TRPC7: variants seen among roughly 807,000 people sequenced by gnomAD.
TRPC7 encodes the protein transient receptor potential cation channel subfamily C member 7, also known as short transient receptor potential channel 7.
A neutral mutation model predicts 90.1 loss-of-function variants in TRPC7; 42 were observed. The ratio of observed to expected loss-of-function variants is 0.47; its 90% confidence interval spans 0.36 to 0.60. TRPC7 has a LOEUF of 0.60. Ranked by LOEUF, TRPC7 falls within the 20% of genes least tolerant of loss-of-function variation. TRPC7 has a pLI of 0.00. For synonymous variants in TRPC7, 451 were observed against 436.3 expected (o/e 1.03, Z -0.42); for missense variants, 955 against 1,112.3 (o/e 0.86, Z 2.01).
chr5:136,344,899 T>C (rs1759958732), intron 2 of TRPC7, among the ~76,000 whole-genome samples: 1 of 152,188 alleles, frequency 6.6e-6, no homozygotes, highest in Admixed American at 6.5e-5. Context: ...ACTAAACACA[T>C]GTGCAAGCAC....
chr5:136,252,912 A>G (rs1297092135), intron 5 of TRPC7, among the ~76,000 whole-genome samples: 2 of 152,216 alleles, frequency 1.3e-5, no homozygotes. Flanking sequence ...GCTCTAAGCC[A>G]TCCCTGTGAG....
chr5:136,310,520 C>T (rs1758791430), intron 3 of TRPC7, among the ~76,000 whole-genome samples: 1 of 152,052 alleles, frequency 6.6e-6, no homozygotes. Flanking sequence ...GGAAAAGTCA[C>T]CTCAACATTT....
rs774087463 is a variant in TRPC7 at position 136,344,516 on chromosome 5, CAGT to C, written c.780+12089_780+12091del. 1.7e-4 allele frequency among the ~76,000 whole-genome samples: 26 copies of C among 152,278 alleles called. No individual in the cohort carries two copies. In the Middle Eastern group the frequency reaches 0.014, roughly 80 times the overall value. On this transcript the variant is annotated intron_variant, in intron 2 of 11. Transcript: ENST00000513104. ...GAAAGGAGAAACCTACATGTCTAGACAGTATAGGAAGTGGTCAGCCTCACTAGC... is the reference window on the plus strand; with the variant it reads ...GAAAGGAGAAACCTACATGTCTAGACATAGGAAGTGGTCAGCCTCACTAGC...
Position 136,228,488 on chromosome 5 carries a change from A to G in TRPC7, c.2041-2233T>C, listed in dbSNP as rs1353350132. ...ACTTATTTAAATGCTGACAGGAAGG[A>G]TTAGGTAGCAAGAGAGGGGTGAAGA... On this transcript the variant is annotated intron_variant, in intron 8 of 11. Coordinates refer to ENST00000513104, the MANE Select transcript of TRPC7 (RefSeq NM_020389.3). Among the ~76,000 whole-genome samples, 7 of 146,528 alleles carry G rather than the reference A, an allele frequency of 4.8e-5. No homozygotes were observed. In the Admixed American group the frequency reaches 4.8e-4, roughly 10 times the overall value.
intron 8 of TRPC7, 85 bp from the exon 9 acceptor site, chr5:136,226,340 C>T: frequency 1.0e-6 from 1 of 967,142 alleles, no homozygotes; most frequent in Non-Finnish European, 1.6e-6. Flanking sequence ...GACACAGCCC[C>T]AACATTCGGA....
intron 2 of TRPC7, among the ~76,000 whole-genome samples, chr5:136,330,098 C>A (rs945415596): frequency 1.3e-5 from 2 of 152,150 alleles, no homozygotes; most frequent in African/African-American, 4.8e-5. Flanking sequence ...GAAAGAGGGA[C>A]CTTTGGGAAG....
rs751196428 is a variant in TRPC7 at position 136,247,557 on chromosome 5, G to A, written c.1758C>T (p.Phe586=). ...VKDIFKFMVI[F]IMVFVAFMIG... The stretch of plus-strand genomic sequence containing the variant: ...TCATGAAGGCCACAAATACCATGAT[G>A]AAAATGACCATGAACTTGAAGATAT... Residue 586 remains phenylalanine (F), a synonymous_variant, in exon 7 of 12, where the codon TTC becomes TTT. Coordinates refer to ENST00000513104, the MANE Select transcript of TRPC7 (RefSeq NM_020389.3). The surrounding 1 kb of genome is among the most constrained non-coding windows in gnomAD (Gnocchi z 4.2). 1 of 1,613,972 alleles carries A rather than the reference G, an allele frequency of 6.2e-7. No individual in the cohort carries two copies. Among genetic ancestry groups the A allele is most frequent in the Non-Finnish European group, 8.5e-7 (1 of 1,179,874 alleles).
chr5:136,312,348 AG>A (rs1192524679), intron 3 of TRPC7, among the ~76,000 whole-genome samples: 1 of 152,226 alleles, frequency 6.6e-6, no homozygotes, highest in African/African-American at 2.4e-5. Context: ...AGGACCAGCT[AG>A]GGAATTAGAA....
At chr5:136,267,015 T>G (rs1355393626) in intron 4 of TRPC7, among the ~76,000 whole-genome samples, 1 of 152,216 alleles carries the variant, frequency 6.6e-6, no homozygotes, top group Admixed American at 6.5e-5. Context: ...AAGGATTATT[T>G]CATTTCCAGA....
At chr5:136,266,517 A>G (rs904693449) in intron 4 of TRPC7, 81 bp from the exon 5 acceptor site, 1 of 1,237,166 alleles carries the variant, frequency 8.1e-7, no homozygotes, top group African/African-American at 1.5e-5. Flanking sequence ...GCTTTCACCA[A>G]AGTTTAACCA....
At position 136,247,844 on chromosome 5, in the gene TRPC7, C is replaced by T. The variant is rs1243337674; in HGVS notation, c.1580-109G>A. The stretch of plus-strand genomic sequence containing the variant: ...CAACTGCATCATTTGCCATTCTTGT[C>T]CTTGTCCTTAAATTAATCCCAATAT... On this transcript the variant is annotated intron_variant, in intron 6 of 11. Coordinates refer to ENST00000513104, the MANE Select transcript of TRPC7 (RefSeq NM_020389.3). The surrounding 1 kb of genome is among the most constrained non-coding windows in gnomAD (Gnocchi z 4.2). 4 of 1,374,546 alleles carry T rather than the reference C, an allele frequency of 2.9e-6. No individual in the cohort carries two copies. The highest frequency in any genetic ancestry group is 3.9e-6 in the Non-Finnish European group (4 of 1,015,474). The allele number at this position is 1,374,546 out of a possible 1,614,324, so 85.1% of individuals were successfully genotyped here. A position where few individuals can be genotyped will look rare whatever the true frequency, so the allele number is the denominator to read the frequency against.
intron 3 of TRPC7, among the ~76,000 whole-genome samples, chr5:136,308,431 T>C (rs1392758802): frequency 1.3e-5 from 2 of 152,376 alleles, no homozygotes; most frequent in East Asian, 3.9e-4. Context: ...GTGACAACTC[T>C]GATCTTCTTA....
At chr5:136,316,428 T>C (rs968354050) in intron 2 of TRPC7, among the ~76,000 whole-genome samples, 8 of 152,210 alleles carry the variant, frequency 5.3e-5, no homozygotes, top group Admixed American at 5.2e-4. Context: ...AAAAATCAAA[T>C]GTAATTTAAC....
At chr5:136,258,960 C>T (rs1461328251) in intron 5 of TRPC7, among the ~76,000 whole-genome samples, 1 of 152,184 alleles carries the variant, frequency 6.6e-6, no homozygotes, top group African/African-American at 2.4e-5. Flanking sequence ...TCTCAACAGG[C>T]AGTCCTTTGC....
intron 3 of TRPC7, among the ~76,000 whole-genome samples, chr5:136,277,356 C>T (rs1440141951): frequency 6.6e-6 from 1 of 152,238 alleles, no homozygotes; most frequent in African/African-American, 2.4e-5. Flanking sequence ...TAGCTTCAGA[C>T]ATGCTGTTTA....
chr5:136,264,141 T>C (rs1756950020), intron 5 of TRPC7, among the ~76,000 whole-genome samples: 1 of 152,228 alleles, frequency 6.6e-6, no homozygotes, highest in Admixed American at 6.5e-5. Flanking sequence ...GACTAAGCTA[T>C]ACAAGTTGGG....
chr5:136,239,854 C>T (rs576219309), intron 7 of TRPC7, among the ~76,000 whole-genome samples: 1 of 152,286 alleles, frequency 6.6e-6, no homozygotes, highest in East Asian at 1.9e-4. Context: ...ATTTGATTAA[C>T]ATCTATCTTC....
chr5:136,352,091 A>T (rs1760211045), intron 2 of TRPC7, among the ~76,000 whole-genome samples: 1 of 152,200 alleles, frequency 6.6e-6, no homozygotes, highest in Non-Finnish European at 1.5e-5. Context: ...GAACCACCAG[A>T]TGTTAAATAA....
At chr5:136,355,883 G>A (rs572608266) in intron 2 of TRPC7, among the ~76,000 whole-genome samples, 3 of 152,312 alleles carry the variant, frequency 2.0e-5, no homozygotes, top group South Asian at 2.1e-4. Context: ...TCTCTTTCAG[G>A]TGGAATGTCT....
Sources: allele counts gnomAD v4.1 joint callset (sites outside exome capture counted in the v4.1 genomes callset), GRCh38; gene constraint gnomAD v4.1.1; non-coding constraint Gnocchi (gnomAD v3.1); transcripts MANE v1.5; gene names NCBI Gene and HGNC (gene_info 2026-07-23, HGNC 2026-07-21).